Variants in F13A1 observed in about 807,000 individuals in gnomAD.
F13A1 encodes the protein FSF, A subunit.
F13A1 carries 47 observed loss-of-function variants against 80.1 expected under a neutral mutation model. The observed-to-expected ratio is 0.59, with a 90% confidence interval of 0.46 to 0.75. The LOEUF (loss-of-function observed/expected upper bound fraction) is 0.75, where lower values mean the gene tolerates loss of function less well. F13A1 is among the 30% of genes least tolerant of loss of function. F13A1 has a pLI of 0.00. For missense variants in F13A1, 817 were observed against 930.4 expected (o/e 0.88, Z 1.59); for synonymous variants, 349 against 344.9 (o/e 1.01, Z -0.13).
At chr6:6,167,363 C>A in intron 13 of F13A1, 95 bp downstream of exon 13, 114 of 887,264 alleles carry the variant, frequency 1.3e-4, no homozygotes, top group Non-Finnish European at 1.4e-4. Context: ...GACATTCATT[C>A]ACACACACAC....
chr6:6,310,759 G>A (rs1758578753), intron 2 of F13A1, among the ~76,000 whole-genome samples: 1 of 152,104 alleles, frequency 6.6e-6, no homozygotes, highest in Non-Finnish European at 1.5e-5. Flanking sequence ...GAAATTGATG[G>A]CAATAATAAT....
intron 6 of F13A1, among the ~76,000 whole-genome samples, chr6:6,245,473 C>T (rs368801987): frequency 4.5e-4 from 68 of 152,360 alleles, no homozygotes; most frequent in African/African-American, 1.6e-3. Flanking sequence ...ATCTGCCCGC[C>T]TCGGCCTCCC....
At chr6:6,199,574 C>A (rs1319170753) in intron 8 of F13A1, among the ~76,000 whole-genome samples, 1 of 151,910 alleles carries the variant, frequency 6.6e-6, no homozygotes, top group Non-Finnish European at 1.5e-5. Flanking sequence ...AGGTTAAGAA[C>A]CTTGCTGAGG....
intron 6 of F13A1, among the ~76,000 whole-genome samples, chr6:6,228,425 T>A (rs1781788): frequency 0.52 from 79,170 of 151,900 alleles, 22,064 homozygotes; most frequent in African/African-American, 0.72. Flanking sequence ...ATATTTTAAA[T>A]TCTAGAAAGT....
At chr6:6,252,253 C>T (rs1191639175) in intron 4 of F13A1, among the ~76,000 whole-genome samples, 4 of 152,048 alleles carry the variant, frequency 2.6e-5, no homozygotes, top group African/African-American at 9.7e-5. Flanking sequence ...AATCTACAGA[C>T]CTTAATCCAA....
chr6:6,289,274 C>T (rs543492524), intron 3 of F13A1, among the ~76,000 whole-genome samples: 1 of 152,180 alleles, frequency 6.6e-6, no homozygotes, highest in African/African-American at 2.4e-5. Flanking sequence ...CGCCTCTTTC[C>T]CCACCAAAAA....
intron 2 of F13A1, among the ~76,000 whole-genome samples, chr6:6,308,153 T>C (rs377353195): frequency 1.3e-5 from 2 of 152,188 alleles, no homozygotes; most frequent in East Asian, 1.9e-4. Context: ...TAGCTGGGAT[T>C]GCAGGCACTC....
intron 3 of F13A1, among the ~76,000 whole-genome samples, chr6:6,287,595 C>G (rs1218877376): frequency 1.3e-5 from 2 of 151,780 alleles, no homozygotes; most frequent in African/African-American, 4.8e-5. Flanking sequence ...GTGTGGCACC[C>G]TTAATGTGAC....
intron 11 of F13A1, among the ~76,000 whole-genome samples, chr6:6,179,007 G>A (rs759084076): frequency 3.3e-5 from 5 of 152,210 alleles, no homozygotes; most frequent in Non-Finnish European, 7.3e-5. Context: ...CAGGACGCAA[G>A]TCCAGGCAGC....
At chr6:6,285,205 C>T (rs907411594) in intron 3 of F13A1, among the ~76,000 whole-genome samples, 1 of 152,272 alleles carries the variant, frequency 6.6e-6, no homozygotes, top group African/African-American at 2.4e-5. Context: ...GCTGAGATCA[C>T]GCCACTGCAC....
intron 8 of F13A1, chr6:6,206,296 A>ATACTT: frequency 2.8e-6 from 1 of 359,616 alleles, no homozygotes; most frequent in Non-Finnish European, 5.5e-6. Context: ...TAGGCGGTGC[A>ATACTT]TACTTTATTA....
chr6:6,210,803 A>G (rs1761593809), intron 8 of F13A1, among the ~76,000 whole-genome samples: 1 of 152,118 alleles, frequency 6.6e-6, no homozygotes, highest in African/African-American at 2.4e-5. Context: ...ATCTTGGCTT[A>G]CTGCAACCTC....
intron 2 of F13A1, 60 bp downstream of exon 2, chr6:6,318,475 G>C: frequency 1.3e-6 from 2 of 1,555,398 alleles, no homozygotes; most frequent in Non-Finnish European, 1.7e-6. Flanking sequence ...GCAGGGAAGA[G>C]GGGCCAGGGC....
intron 13 of F13A1, among the ~76,000 whole-genome samples, chr6:6,165,207 G>C (rs380602): frequency 0.99 from 150,153 of 152,312 alleles, 74,133 homozygotes; most frequent in Middle Eastern, 1. Context: ...ATCTCTGGTT[G>C]CTTTGTGGAA....
intron 1 of F13A1, among the ~76,000 whole-genome samples, chr6:6,319,787 T>A (rs1442264691): frequency 6.6e-6 from 1 of 151,966 alleles, no homozygotes; most frequent in East Asian, 1.9e-4. Flanking sequence ...AGGTGTCTGG[T>A]CTGAGAAGGA....
At chr6:6,202,473 A>G (rs1481635182) in intron 8 of F13A1, among the ~76,000 whole-genome samples, 1 of 152,210 alleles carries the variant, frequency 6.6e-6, no homozygotes, top group Non-Finnish European at 1.5e-5. Flanking sequence ...AATCATGAGG[A>G]CATCTAGCAA....
intron 12 of F13A1, among the ~76,000 whole-genome samples, chr6:6,174,071 T>G (rs1197011974): frequency 6.6e-6 from 1 of 152,206 alleles, no homozygotes; most frequent in African/African-American, 2.4e-5. Context: ...TGTTCACTTC[T>G]GTGCATGAGA....
At chr6:6,221,099 C>A (rs1487368257) in intron 8 of F13A1, among the ~76,000 whole-genome samples, 1 of 152,186 alleles carries the variant, frequency 6.6e-6, no homozygotes, top group Non-Finnish European at 1.5e-5. Context: ...TCATTTTTGG[C>A]TTAGAAGTTC....
At chr6:6,300,569 CTGAG>C (rs1294755260) in intron 3 of F13A1, among the ~76,000 whole-genome samples, 4 of 152,190 alleles carry the variant, frequency 2.6e-5, no homozygotes, top group Non-Finnish European at 5.9e-5. Flanking sequence ...CTTGCACTTC[CTGAG>C]TGAGGCAATG....
Sources: gnomAD v4.1 joint callset for allele counts (sites outside exome capture counted in the v4.1 genomes callset) on GRCh38, gnomAD v4.1.1 for gene constraint, MANE v1.5 for transcripts, NCBI Gene and HGNC (gene_info 2026-07-23, HGNC 2026-07-21) for gene names.